Variants in ANKS1B observed in about 807,000 individuals in gnomAD.
ANKS1B encodes the protein ankyrin repeat and sterile alpha motif domain containing 1B, also known as ankyrin repeat and sterile alpha motif domain-containing protein 1B.
Under a neutral mutation model 148.3 loss-of-function variants are expected in ANKS1B, and 36 were observed. The observed-to-expected ratio is 0.24, with a 90% CI of 0.19 to 0.32. The LOEUF is 0.32. ANKS1B is among the 10% of genes least tolerant of loss of function. The pLI is 1.00. For missense variants in ANKS1B, 1,157 were observed against 1,542.6 expected (o/e 0.75, Z 4.19); for synonymous variants, 542 against 560.8 (o/e 0.97, Z 0.47).
At chr12:99,748,840 C>A (rs980630906) in intron 8 of ANKS1B, among the ~76,000 whole-genome samples, 1 of 152,034 alleles carries the variant, frequency 6.6e-6, no homozygotes, top group African/African-American at 2.4e-5. Flanking sequence ...ACCAGCATAG[C>A]CAAAATTCAG....
rs112145759 is a variant in ANKS1B, at chr12:98,911,706, G to A, written c.2779-79570C>T. On this transcript the variant is annotated intron_variant, in intron 17 of 26. Transcript: ENST00000683438. ...TGTTCTACAGCCACCGGGTGTGCTGGTCCTTTTATTGTCCTGGCAAAGTAA... is the reference window on the plus strand; with the variant it reads ...TGTTCTACAGCCACCGGGTGTGCTGATCCTTTTATTGTCCTGGCAAAGTAA... Among the ~76,000 whole-genome samples, 562 of 152,192 alleles carry A rather than the reference G, an allele frequency of 3.7e-3. 5 individuals are homozygous for A. The highest frequency in any genetic ancestry group is 0.013 in the African/African-American group (525 of 41,508).
chr12:99,016,666 A>G (rs2099942729), intron 17 of ANKS1B, among the ~76,000 whole-genome samples: 1 of 152,146 alleles, frequency 6.6e-6, no homozygotes, highest in Non-Finnish European at 1.5e-5. Flanking sequence ...TCTCAAACAA[A>G]CAAACAAACA....
chr12:98,919,077 T>C (rs1256060934), intron 17 of ANKS1B, among the ~76,000 whole-genome samples: 1 of 152,240 alleles, frequency 6.6e-6, no homozygotes, highest in Non-Finnish European at 1.5e-5. Context: ...TGTAATTTGT[T>C]TCAAAGGGTT....
chr12:99,678,408 A>T (rs942769851), intron 8 of ANKS1B, among the ~76,000 whole-genome samples: 2 of 152,124 alleles, frequency 1.3e-5, no homozygotes, highest in Admixed American at 6.5e-5. Context: ...AAGTCCTAAA[A>T]ATGAAGATAT....
intron 1 of ANKS1B, among the ~76,000 whole-genome samples, chr12:99,854,305 C>G (rs1749224693): frequency 6.6e-6 from 1 of 152,170 alleles, no homozygotes; most frequent in Admixed American, 6.5e-5. Context: ...AGCCACCACT[C>G]CCGGCCAAGA....
At chr12:99,535,411 A>G (rs920009541) in intron 9 of ANKS1B, among the ~76,000 whole-genome samples, 2 of 152,192 alleles carry the variant, frequency 1.3e-5, no homozygotes, top group Non-Finnish European at 2.9e-5. Flanking sequence ...CTCTGAACTC[A>G]TCTCCCTTCT....
chr12:98,892,746 AT>A (rs1452318555), intron 17 of ANKS1B, among the ~76,000 whole-genome samples: 2 of 152,226 alleles, frequency 1.3e-5, no homozygotes, highest in Non-Finnish European at 2.9e-5. Flanking sequence ...CTGTATCTAT[AT>A]TTCAAAATTA....
intron 17 of ANKS1B, among the ~76,000 whole-genome samples, chr12:99,049,294 A>G (rs968867215): frequency 2.0e-5 from 3 of 152,062 alleles, no homozygotes; most frequent in African/African-American, 7.2e-5. Flanking sequence ...CCTTTATTCA[A>G]TATGTACACA....
At chr12:99,561,215 C>G (rs1367133143) in intron 9 of ANKS1B, among the ~76,000 whole-genome samples, 1 of 152,094 alleles carries the variant, frequency 6.6e-6, no homozygotes. Flanking sequence ...ATGAACAATT[C>G]TTCTATAGCA....
chr12:99,112,518 A>G (rs1050969592), intron 15 of ANKS1B, among the ~76,000 whole-genome samples: 2 of 151,362 alleles, frequency 1.3e-5, no homozygotes, highest in African/African-American at 4.9e-5. Flanking sequence ...TTATTTTTCC[A>G]TTGTGAGTTC....
At chr12:99,903,048 C>T (rs1008740618) in intron 1 of ANKS1B, among the ~76,000 whole-genome samples, 1 of 152,150 alleles carries the variant, frequency 6.6e-6, no homozygotes, top group African/African-American at 2.4e-5. Context: ...CATGAGCCAC[C>T]ATGCCCAGCC....
chr12:99,364,521 T>G (rs1217053536), intron 12 of ANKS1B, among the ~76,000 whole-genome samples: 1 of 152,218 alleles, frequency 6.6e-6, no homozygotes, highest in African/African-American at 2.4e-5. Flanking sequence ...TTTGTACCTG[T>G]AGTTCTCTAA....
intron 8 of ANKS1B, among the ~76,000 whole-genome samples, chr12:99,769,605 G>A (rs1012855099): frequency 6.6e-6 from 1 of 152,212 alleles, no homozygotes; most frequent in African/African-American, 2.4e-5. Flanking sequence ...TGAGTGGCAA[G>A]GGGTTATGGC....
chr12:99,182,480 T>C (rs1320355741), intron 14 of ANKS1B, among the ~76,000 whole-genome samples: 5 of 152,234 alleles, frequency 3.3e-5, no homozygotes, highest in Non-Finnish European at 7.3e-5. Flanking sequence ...TCGTTGTTGC[T>C]GCAAATGACA....
intron 10 of ANKS1B, among the ~76,000 whole-genome samples, chr12:99,458,834 A>G (rs2095893114): frequency 6.6e-6 from 1 of 152,004 alleles, no homozygotes; most frequent in East Asian, 1.9e-4. Flanking sequence ...CAGACATTCA[A>G]AGAAGAATTG....
At chr12:98,761,660 C>T (rs2098408225) in intron 25 of ANKS1B, among the ~76,000 whole-genome samples, 1 of 152,204 alleles carries the variant, frequency 6.6e-6, no homozygotes, top group Non-Finnish European at 1.5e-5. Context: ...TGTCTTCAAT[C>T]CGTTATGGAA....
chr12:98,853,809 G>T (rs1296821034), intron 17 of ANKS1B, among the ~76,000 whole-genome samples: 1 of 152,184 alleles, frequency 6.6e-6, no homozygotes, highest in African/African-American at 2.4e-5. Context: ...ATTCAGCCCA[G>T]CATCTAGCAT....
intron 8 of ANKS1B, among the ~76,000 whole-genome samples, chr12:99,660,681 C>A (rs1395806217): frequency 6.6e-6 from 1 of 152,006 alleles, no homozygotes; most frequent in Non-Finnish European, 1.5e-5. Context: ...CTAAGTATTG[C>A]CAATGTTGTC....
At chr12:99,718,125 G>A (rs1012783691) in intron 8 of ANKS1B, among the ~76,000 whole-genome samples, 2 of 151,624 alleles carry the variant, frequency 1.3e-5, no homozygotes, top group Non-Finnish European at 2.9e-5. Flanking sequence ...GGATGGTCTC[G>A]ATCTGACCTC....
Sources: allele counts gnomAD v4.1 joint callset (sites outside exome capture counted in the v4.1 genomes callset), GRCh38; gene constraint gnomAD v4.1.1; transcripts MANE v1.5; gene names NCBI Gene and HGNC (gene_info 2026-07-23, HGNC 2026-07-21).